Variants in SERPINB11 observed in about 807,000 individuals in gnomAD.
SERPINB11 encodes serpin B11.
SERPINB11 carries 32 observed loss-of-function variants against 36.7 expected under a neutral mutation model. That is an observed-to-expected ratio of 0.87 (90% CI 0.66 to 1.17). The LOEUF (loss-of-function observed/expected upper bound fraction) is 1.17. SERPINB11 is among the 50% of genes most tolerant of loss of function. The pLI, the probability that SERPINB11 is intolerant of heterozygous loss-of-function variation, is 0.00. For synonymous variants in SERPINB11, 174 were observed against 168.1 expected, an observed-to-expected ratio of 1.04 and a Z score of -0.27; for missense variants, 528 against 458.4, an observed-to-expected ratio of 1.15 and a Z score of -1.39.
chr18:63,712,518 A>T, intron 3 of SERPINB11, 47 bp from the exon 4 acceptor site: 1 of 1,607,346 alleles, frequency 6.2e-7, no homozygotes, highest in Non-Finnish European at 8.5e-7. Flanking sequence ...TCCAATGGCA[A>T]AAATCAAGCA....
At chr18:63,707,412 C>A (rs183663599) in intron 1 of SERPINB11, among the ~76,000 whole-genome samples, 47 of 152,268 alleles carry the variant, frequency 3.1e-4, no homozygotes, top group Non-Finnish European at 1.2e-4. Context: ...AAGGGGCATG[C>A]AAGGCTTCTA....
At chr18:63,715,166 A>G (rs955206828) in intron 4 of SERPINB11, among the ~76,000 whole-genome samples, 4 of 152,096 alleles carry the variant, frequency 2.6e-5, no homozygotes, top group Admixed American at 2.6e-4. Flanking sequence ...GTATTGTTCT[A>G]TTCAGTTCAT....
At chr18:63,715,509 T>G (rs1598964787) in intron 4 of SERPINB11, among the ~76,000 whole-genome samples, 2 of 152,344 alleles carry the variant, frequency 1.3e-5, no homozygotes, top group East Asian at 3.9e-4. Context: ...ACACTTTACA[T>G]AAATTTGACA....
At chr18:63,715,034 A>G (rs1160772726) in intron 4 of SERPINB11, among the ~76,000 whole-genome samples, 1 of 152,192 alleles carries the variant, frequency 6.6e-6, no homozygotes, top group Admixed American at 6.5e-5. Context: ...TTCACAATTT[A>G]TGTTCTTCTG....
intron 1 of SERPINB11, among the ~76,000 whole-genome samples, chr18:63,709,909 G>T (rs1914473188): frequency 6.6e-6 from 1 of 152,094 alleles, no homozygotes; most frequent in African/African-American, 2.4e-5. Flanking sequence ...AACTATTATA[G>T]ATTATTTAAA....
chr18:63,704,100 G>A (rs1347713544), intron 1 of SERPINB11, among the ~76,000 whole-genome samples: 2 of 152,142 alleles, frequency 1.3e-5, no homozygotes, highest in Non-Finnish European at 2.9e-5. Context: ...CTGCTTCCCT[G>A]AAATGGGCTA....
intron 1 of SERPINB11, among the ~76,000 whole-genome samples, chr18:63,709,060 C>T (rs190549361): frequency 2.3e-3 from 353 of 152,344 alleles, no homozygotes; most frequent in Non-Finnish European, 3.6e-3. Context: ...CTACAGTTAG[C>T]GGTGCTCAAA....
At chr18:63,712,544 C>G (rs1322684634) in intron 3 of SERPINB11, 21 bp from the exon 4 acceptor site, 1 of 1,613,010 alleles carries the variant, frequency 6.2e-7, no homozygotes, top group African/African-American at 1.3e-5. Flanking sequence ...ATACATCATT[C>G]TTTGTTTACT....
intron 5 of SERPINB11, 151 bp from the exon 6 acceptor site, chr18:63,719,862 C>T: frequency 1.8e-6 from 1 of 555,656 alleles, no homozygotes; most frequent in Non-Finnish European, 3.0e-6. Context: ...ACAAAGAAGG[C>T]TCCATGGCCA....
chr18:63,710,968 G>A (rs2144535903), intron 2 of SERPINB11, among the ~76,000 whole-genome samples: 1 of 152,290 alleles, frequency 6.6e-6, no homozygotes, highest in Non-Finnish European at 1.5e-5. Flanking sequence ...AACCATGTAA[G>A]GTCTTACACA....
chr18:63,717,641 C>T (rs1274193677), intron 5 of SERPINB11, among the ~76,000 whole-genome samples: 4 of 151,538 alleles, frequency 2.6e-5, no homozygotes, highest in Non-Finnish European at 3.0e-5. Context: ...GCATATCCTC[C>T]TTTGTGAAGT....
intron 1 of SERPINB11, among the ~76,000 whole-genome samples, chr18:63,707,262 G>A (rs1914395780): frequency 6.6e-6 from 1 of 152,174 alleles, no homozygotes; most frequent in East Asian, 1.9e-4. Context: ...TTTTTAACAT[G>A]CTGTCTGGGG....
intron 7 of SERPINB11, 33 bp from the exon 8 acceptor site, chr18:63,722,962 C>T (rs777241759): frequency 1.6e-5 from 24 of 1,517,672 alleles, no homozygotes; most frequent in Non-Finnish European, 2.1e-5. Context: ...GTGTGTTTGA[C>T]TCATGTGGGC....
intron 7 of SERPINB11, among the ~76,000 whole-genome samples, chr18:63,721,483 C>T (rs1449910264): frequency 6.6e-6 from 1 of 152,188 alleles, no homozygotes; most frequent in Non-Finnish European, 1.5e-5. Flanking sequence ...GGATCCAACC[C>T]CCTTTCCCCA....
chr18:63,714,249 A>G (rs897446822), intron 4 of SERPINB11, among the ~76,000 whole-genome samples: 14 of 152,288 alleles, frequency 9.2e-5, no homozygotes, highest in South Asian at 2.1e-4. Context: ...GAGGGAGTGT[A>G]CGAATAGGGT....
chr18:63,716,510 A>G (rs1914671945), intron 5 of SERPINB11, among the ~76,000 whole-genome samples: 1 of 152,156 alleles, frequency 6.6e-6, no homozygotes, highest in Non-Finnish European at 1.5e-5. Context: ...TACAAAGGTA[A>G]AGAGAATATA....
intron 7 of SERPINB11, among the ~76,000 whole-genome samples, chr18:63,721,913 G>C (rs1914825130): frequency 6.6e-6 from 1 of 152,236 alleles, no homozygotes; most frequent in African/African-American, 2.4e-5. Context: ...TGGTTGACTG[G>C]AGTGAAAGAC....
chr18:63,718,324 A>T (rs992005349), intron 5 of SERPINB11, among the ~76,000 whole-genome samples: 2 of 152,004 alleles, frequency 1.3e-5, no homozygotes, highest in African/African-American at 2.4e-5. Flanking sequence ...ACTTCCATAG[A>T]ATATATCAGT....
chr18:63,719,861 G>T (rs1006761402), intron 5 of SERPINB11, among the ~76,000 whole-genome samples, 152 bp from the exon 6 acceptor site: 7 of 152,072 alleles, frequency 4.6e-5, no homozygotes, highest in Admixed American at 6.6e-5. Flanking sequence ...GACAAAGAAG[G>T]CTCCATGGCC....
Sources: allele counts gnomAD v4.1 joint callset (sites outside exome capture counted in the v4.1 genomes callset), GRCh38; gene constraint gnomAD v4.1.1; transcripts MANE v1.5; gene names NCBI Gene and HGNC (gene_info 2026-07-23, HGNC 2026-07-21).